FOXP1: variants seen among roughly 807,000 people sequenced by gnomAD.
FOXP1 encodes forkhead box protein P1.
In FOXP1, 15 loss-of-function variants were observed where a neutral mutation model predicts 98.2. The ratio of observed to expected loss-of-function variants is 0.15; its 90% CI spans 0.10 to 0.24. The LOEUF is 0.24. Ranked by LOEUF, FOXP1 falls within the 10% of genes least tolerant of loss-of-function variation. The pLI, the probability that FOXP1 is intolerant of heterozygous loss-of-function variation, is 1.00. For synonymous variants in FOXP1, 371 were observed against 314.5 expected, an observed-to-expected ratio of 1.18 and a Z score of -1.90; for missense variants, 633 against 848.5, an observed-to-expected ratio of 0.75 and a Z score of 3.15.
intron 13 of FOXP1, among the ~76,000 whole-genome samples, chr3:70,993,634 G>A (rs2040936900): frequency 6.6e-6 from 1 of 152,176 alleles, no homozygotes; most frequent in Non-Finnish European, 1.5e-5. Context: ...AGAATGAGAA[G>A]AAACATTACA....
At chr3:71,306,631 C>CAAAAAAAAAAAAAAAAAAAAAAAAAAAA (rs66479255) in intron 4 of FOXP1, among the ~76,000 whole-genome samples, 2 of 42,850 alleles carry the variant, frequency 4.7e-5, no homozygotes, top group Non-Finnish European at 4.2e-5. Flanking sequence ...GAGAATAAGC[C>CAAAAAAAAAAAAAAAAAAAAAAAAAAAA]AAAAAAAAAA....
At chr3:71,148,017 T>C (rs930890835) in intron 6 of FOXP1, among the ~76,000 whole-genome samples, 1 of 152,310 alleles carries the variant, frequency 6.6e-6, no homozygotes, top group East Asian at 1.9e-4. Flanking sequence ...TTATGGTTCA[T>C]AAAAATCGCA....
intron 3 of FOXP1, among the ~76,000 whole-genome samples, chr3:71,454,421 C>T (rs2087250347): frequency 2.6e-5 from 4 of 152,120 alleles, no homozygotes; most frequent in Admixed American, 6.6e-5. Flanking sequence ...GACAGGTGTT[C>T]GATAGAAAAC....
At chr3:71,198,432 G>GGGGGGGGGGGCC in intron 5 of FOXP1, 40 bp from the exon 6 acceptor site, 10 of 491,026 alleles carry the variant, frequency 2.0e-5, no homozygotes, top group East Asian at 5.7e-5. Context: ...GGGAGGGGGG[G>GGGGGGGGGGGCC]AGAAAAAAAA....
chr3:71,266,921 A>G (rs1208595870), intron 5 of FOXP1, among the ~76,000 whole-genome samples: 2 of 152,156 alleles, frequency 1.3e-5, no homozygotes, highest in Non-Finnish European at 2.9e-5. Context: ...TTATGGCTGC[A>G]GTTTTGGACT....
chr3:71,136,869 T>C (rs539576123), intron 6 of FOXP1, among the ~76,000 whole-genome samples: 2 of 152,342 alleles, frequency 1.3e-5, no homozygotes, highest in South Asian at 4.1e-4. Context: ...CATGGCTATC[T>C]AGACATGTCC....
chr3:71,045,758 G>C (rs1005589042), intron 10 of FOXP1, among the ~76,000 whole-genome samples: 1 of 152,092 alleles, frequency 6.6e-6, no homozygotes, highest in Admixed American at 6.5e-5. Context: ...GTGGACTCAA[G>C]GGAAAAGATT....
intron 3 of FOXP1, among the ~76,000 whole-genome samples, chr3:71,410,840 C>A (rs1413710142): frequency 6.6e-6 from 1 of 152,154 alleles, no homozygotes; most frequent in Non-Finnish European, 1.5e-5. Flanking sequence ...TTTCCCAGAA[C>A]AAACATTGTT....
At chr3:71,564,827 T>C (rs966922087) in intron 2 of FOXP1, among the ~76,000 whole-genome samples, 3 of 152,102 alleles carry the variant, frequency 2.0e-5, no homozygotes, top group African/African-American at 7.2e-5. Context: ...AGAAAATAAA[T>C]CAAATCATTA....
chr3:71,371,760 G>A (rs1345702625), intron 3 of FOXP1, among the ~76,000 whole-genome samples: 1 of 152,124 alleles, frequency 6.6e-6, no homozygotes, highest in Non-Finnish European at 1.5e-5. Flanking sequence ...CTGCACTCCA[G>A]CCTAGATGGC....
At chr3:71,538,421 G>A (rs770620755) in intron 2 of FOXP1, among the ~76,000 whole-genome samples, 17 of 152,134 alleles carry the variant, frequency 1.1e-4, no homozygotes, top group Non-Finnish European at 2.5e-4. Flanking sequence ...TTGAATATGC[G>A]GTCCCTTGGT....
chr3:71,511,566 G>C (rs2042206815), intron 2 of FOXP1, among the ~76,000 whole-genome samples: 1 of 151,836 alleles, frequency 6.6e-6, no homozygotes, highest in Non-Finnish European at 1.5e-5. Context: ...AAACAATGTA[G>C]GCAAGTGCCA....
intron 6 of FOXP1, among the ~76,000 whole-genome samples, chr3:71,145,811 A>C (rs116788895): frequency 0.037 from 5,603 of 152,244 alleles, 401 homozygotes; most frequent in African/African-American, 0.13. Context: ...TTTTTGGTCA[A>C]GTCTCTTGCC....
intron 6 of FOXP1, among the ~76,000 whole-genome samples, chr3:71,157,311 T>C (rs929200009): frequency 6.6e-6 from 1 of 152,202 alleles, no homozygotes; most frequent in Non-Finnish European, 1.5e-5. Context: ...CAATCTTGAA[T>C]GCCTCCAAAT....
chr3:71,002,826 A>C (rs950314741), intron 12 of FOXP1, among the ~76,000 whole-genome samples: 8 of 152,078 alleles, frequency 5.3e-5, no homozygotes, highest in African/African-American at 1.9e-4. Flanking sequence ...CAGTGCCCCA[A>C]CCCTTGCAAT....
chr3:71,555,726 G>A (rs1312608158), intron 2 of FOXP1, among the ~76,000 whole-genome samples: 1 of 152,084 alleles, frequency 6.6e-6, no homozygotes, highest in Non-Finnish European at 1.5e-5. Flanking sequence ...ACCGAAAAAA[G>A]TGCATGGAAA....
chr3:71,169,997 T>G (rs1438540434), intron 6 of FOXP1, among the ~76,000 whole-genome samples: 1 of 152,094 alleles, frequency 6.6e-6, no homozygotes, highest in Non-Finnish European at 1.5e-5. Flanking sequence ...AATCACGAGA[T>G]AGGCCCCATT....
intron 2 of FOXP1, among the ~76,000 whole-genome samples, chr3:71,538,882 T>C (rs1213857388): frequency 6.6e-6 from 1 of 152,126 alleles, no homozygotes; most frequent in African/African-American, 2.4e-5. Context: ...TACATTCTTT[T>C]GCACGTGAAT....
intron 3 of FOXP1, among the ~76,000 whole-genome samples, chr3:71,450,716 T>C (rs1234054778): frequency 3.3e-5 from 5 of 152,128 alleles, no homozygotes; most frequent in Non-Finnish European, 5.9e-5. Flanking sequence ...AAATAAGTAG[T>C]AAGTGATAAG....
Sources: allele counts gnomAD v4.1 joint callset (sites outside exome capture counted in the v4.1 genomes callset), GRCh38; gene constraint gnomAD v4.1.1; transcripts MANE v1.5; gene names NCBI Gene and HGNC (gene_info 2026-07-23, HGNC 2026-07-21).